The following KNTC1 variants were observed in gnomAD, a reference collection of about 807,000 sequenced individuals.
The protein encoded by KNTC1 is kinetochore associated 1.
A neutral mutation model predicts 314.4 loss-of-function variants in KNTC1; 253 were observed. The observed-to-expected ratio is 0.80, with a 90% confidence interval of 0.73 to 0.89. The LOEUF (loss-of-function observed/expected upper bound fraction) is 0.89, where lower values mean the gene tolerates loss of function less well. Ranked by LOEUF, KNTC1 falls within the 40% of genes least tolerant of loss-of-function variation. The pLI, the probability that KNTC1 is intolerant of heterozygous loss-of-function variation, is 0.00. For synonymous variants in KNTC1, 901 were observed against 901.4 expected (o/e 1.00, Z 0.01); for missense variants, 2,475 against 2,572.9 (o/e 0.96, Z 0.82).
chr12:122,561,485 A>T (rs985314222), intron 18 of KNTC1, among the ~76,000 whole-genome samples: 11 of 151,644 alleles, frequency 7.3e-5, no homozygotes, highest in South Asian at 2.1e-4. Flanking sequence ...ACGGAGTCTC[A>T]TTCTGTACCC....
At chr12:122,618,597 G>A in intron 59 of KNTC1, 52 bp downstream of exon 59, 1 of 1,362,918 alleles carries the variant, frequency 7.3e-7, no homozygotes, top group Non-Finnish European at 1.0e-6. Context: ...TTGCTTATAA[G>A]ATTCCCTTCT....
At chr12:122,529,040 C>T (rs1388484442) in intron 1 of KNTC1, among the ~76,000 whole-genome samples, 2 of 152,040 alleles carry the variant, frequency 1.3e-5, no homozygotes, top group South Asian at 2.1e-4. Flanking sequence ...GAGGGGGTTT[C>T]GTCATGTTGG....
intron 9 of KNTC1, 87 bp from the exon 10 acceptor site, chr12:122,546,535 T>C: frequency 1.1e-6 from 1 of 874,196 alleles, no homozygotes; most frequent in Non-Finnish European, 1.8e-6. Flanking sequence ...TATGTAGTTC[T>C]GCCTTTCTGT....
chr12:122,536,850 T>C (rs1961878844), intron 3 of KNTC1, among the ~76,000 whole-genome samples: 1 of 152,178 alleles, frequency 6.6e-6, no homozygotes, highest in Admixed American at 6.6e-5. Context: ...AAGATAGTTG[T>C]TGAAACTTTT....
chr12:122,615,151 A>G (rs533177788), intron 56 of KNTC1, 65 bp downstream of exon 56: 3 of 1,133,204 alleles, frequency 2.6e-6, no homozygotes, highest in African/African-American at 3.1e-5. Context: ...TCCCCTAAAC[A>G]TTTTGGATTG....
At chr12:122,548,985 A>G (rs1165453653) in intron 12 of KNTC1, among the ~76,000 whole-genome samples, 1 of 152,116 alleles carries the variant, frequency 6.6e-6, no homozygotes, top group Non-Finnish European at 1.5e-5. Flanking sequence ...GTAAAATAAA[A>G]TAAGTCATAC....
rs958632192 is a variant in KNTC1 at position 122,547,484 on chromosome 12, G to A, written c.886G>A (p.Glu296Lys). The A allele has an allele frequency of 6.2e-7, 1 of 1,613,126 alleles. No homozygotes were observed. Among genetic ancestry groups the A allele is most frequent in the Non-Finnish European group, 8.5e-7 (1 of 1,179,298 alleles). ...VWNWPSLHVE[E>K]FLLTTEADSP... ...GAACTGGCCCTCTCTTCACGTAGAA[G>A]AGTTTCTTCTTACTACAGAAGCAGA... is the stretch of plus-strand genomic sequence containing the variant. Residue 296 changes from glutamate to lysine, a missense_variant, in exon 11 of 64, where the codon GAG becomes AAG. Glu to Lys is a moderately conservative substitution (Grantham distance 56). Coordinates refer to ENST00000333479, the MANE Select transcript of KNTC1 (RefSeq NM_014708.6).
At chr12:122,543,132 C>G (rs756665973) in intron 6 of KNTC1, among the ~76,000 whole-genome samples, 2 of 152,116 alleles carry the variant, frequency 1.3e-5, no homozygotes, top group African/African-American at 2.4e-5. Context: ...AGGCTGGTCT[C>G]GAACTCCTCA....
intron 44 of KNTC1, among the ~76,000 whole-genome samples, chr12:122,600,757 C>T (rs1312138034): frequency 1.3e-5 from 2 of 151,988 alleles, no homozygotes; most frequent in Non-Finnish European, 2.9e-5. Flanking sequence ...CCTCCACCTC[C>T]CAGGTTCAAG....
In KNTC1 at chr12:122,590,734, T is replaced by C; in HGVS notation, c.4127T>C (p.Leu1376Ser). The C allele has an allele frequency of 6.2e-7, 1 of 1,612,850 alleles. No individual in the cohort carries two copies. Among genetic ancestry groups the C allele is most frequent in the Non-Finnish European group, 8.5e-7 (1 of 1,179,292 alleles). Reference sequence around the variant, plus strand: ...GCATGGCAGAATTACGACAAAATCTTGGTATGTCCTAAGGAAGCACACCTT... The same window carrying C: ...GCATGGCAGAATTACGACAAAATCTCGGTATGTCCTAAGGAAGCACACCTT... ...DKAWQNYDKI[L>S]AISLVGSELA... The change falls in exon 41 of 64, where the codon TTG (leucine) becomes TCG (serine). Residue 1376 changes from leucine to serine, a missense_variant and splice_region_variant. Coordinates refer to ENST00000333479, the MANE Select transcript of KNTC1 (RefSeq NM_014708.6).
intron 31 of KNTC1, 43 bp from the exon 32 acceptor site, chr12:122,579,861 GA>G (rs1565979850): frequency 3.6e-6 from 5 of 1,374,074 alleles, no homozygotes; most frequent in Non-Finnish European, 4.1e-6. Flanking sequence ...GAAGTGGTCA[GA>G]AAAGGAAGTA....
chr12:122,605,789 C>G (rs1872522655), intron 51 of KNTC1, among the ~76,000 whole-genome samples: 1 of 152,156 alleles, frequency 6.6e-6, no homozygotes, highest in Non-Finnish European at 1.5e-5. Flanking sequence ...TGTGATCCTC[C>G]TGCCTCAGCC....
Position 122,621,197 on chromosome 12 carries a change from T to C in KNTC1, c.6279+589T>C, listed in dbSNP as rs77265531. 8.6e-3 allele frequency among the ~76,000 whole-genome samples: 1,302 copies of C among 152,272 alleles called. 17 individuals carry two copies. The highest frequency in any genetic ancestry group is 0.03 in the African/African-American group (1,259 of 41,544). On this transcript the variant is annotated intron_variant, in intron 60 of 63. Transcript: ENST00000333479. ...GAAGGAGCCACAAGCATTTTGGGGA[T>C]AGAACTTTTAAAAATAACTCTCATT... is the stretch of plus-strand genomic sequence containing the variant.
At chr12:122,582,007 C>T (rs1281346689) in intron 33 of KNTC1, among the ~76,000 whole-genome samples, 2 of 152,090 alleles carry the variant, frequency 1.3e-5, no homozygotes, top group Admixed American at 6.5e-5. Flanking sequence ...TACTTTCTGT[C>T]GCTGTGAATT....
intron 18 of KNTC1, among the ~76,000 whole-genome samples, chr12:122,560,484 C>T (rs908294097): frequency 6.6e-6 from 1 of 152,060 alleles, no homozygotes; most frequent in Non-Finnish European, 1.5e-5. Flanking sequence ...GTGATTCTCT[C>T]GCCTCAGCCT....
chr12:122,596,456 A>C (rs1275215804), intron 43 of KNTC1, among the ~76,000 whole-genome samples: 1 of 151,252 alleles, frequency 6.6e-6, no homozygotes. Context: ...TGACCTCGTG[A>C]TCCACCTGCC....
chr12:122,548,013 G>A (rs772431723), intron 12 of KNTC1, 44 bp downstream of exon 12: 9 of 1,248,032 alleles, frequency 7.2e-6, no homozygotes, highest in Non-Finnish European at 1.0e-5. Context: ...TTATGTGTTA[G>A]AAAAAGCATT....
intron 42 of KNTC1, chr12:122,593,960 T>TA (rs1175746431): frequency 4.4e-6 from 1 of 225,032 alleles, no homozygotes; most frequent in East Asian, 9.8e-5. Flanking sequence ...ATCAGAAAGG[T>TA]AATCAGTACA....
intron 63 of KNTC1, among the ~76,000 whole-genome samples, chr12:122,625,218 C>G: frequency 6.6e-6 from 1 of 152,168 alleles, no homozygotes; most frequent in Non-Finnish European, 1.5e-5. Context: ...GCCTGGCCAA[C>G]ATGGTGAAAC....
Sources: gnomAD v4.1 joint callset for allele counts (sites outside exome capture counted in the v4.1 genomes callset) on GRCh38, gnomAD v4.1.1 for gene constraint, MANE v1.5 for transcripts, NCBI Gene and HGNC (gene_info 2026-07-23, HGNC 2026-07-21) for gene names.